GAK: variants seen among roughly 807,000 people sequenced by gnomAD.
The protein encoded by GAK is cyclin-G-associated kinase.
A neutral mutation model predicts 143.9 loss-of-function variants in GAK; 79 were observed. The observed-to-expected ratio is 0.55, with a 90% CI of 0.46 to 0.66. GAK has a LOEUF of 0.66. Among genes scored for constraint, GAK ranks in the 30% least tolerant of loss-of-function variants. The pLI is 0.00. For missense variants in GAK, 1,693 were observed against 1,779.7 expected, an observed-to-expected ratio of 0.95 and a Z score of 0.88; for synonymous variants, 881 against 765.5, an observed-to-expected ratio of 1.15 and a Z score of -2.49.
chr4:894,579 T>A (rs1258654595), intron 7 of GAK: 1 of 152,322 alleles, frequency 6.6e-6, no homozygotes, highest in Non-Finnish European at 1.5e-5. Context: ...TGTGCGGAGC[T>A]GGCGGCGTGC....
chr4:856,624 CCTG>C (rs1414356945), intron 24 of GAK, among the ~76,000 whole-genome samples: 3 of 148,674 alleles, frequency 2.0e-5, no homozygotes, highest in Non-Finnish European at 4.5e-5. Flanking sequence ...GGTGCTCACA[CCTG>C]CTCACCACAG....
Position 912,717 on chromosome 4 carries a change from G to A in GAK, c.267+18C>T. On this transcript the variant is annotated intron_variant, in intron 3 of 27. Coordinates refer to ENST00000314167, the MANE Select transcript of GAK (RefSeq NM_005255.4). ...GCCAAAGCCACCGTGCTGGCTCCTG[G>A]TTCCAGGAAAAGGATACCATGAAGC... The A allele has an allele frequency of 1.2e-6, 2 of 1,611,602 alleles. No homozygotes were observed. Among genetic ancestry groups the A allele is most frequent in the Non-Finnish European group, 8.5e-7 (1 of 1,178,144 alleles).
At chr4:884,494 G>A (rs966268390) in intron 11 of GAK, 6 of 197,480 alleles carry the variant, frequency 3.0e-5, no homozygotes, top group African/African-American at 9.5e-5. Flanking sequence ...CAGGCTCCAC[G>A]CGCTGCCCAG....
At chr4:922,744 A>T (rs1724108230) in intron 1 of GAK, among the ~76,000 whole-genome samples, 1 of 152,202 alleles carries the variant, frequency 6.6e-6, no homozygotes, top group African/African-American at 2.4e-5. Context: ...ACAATCTGGC[A>T]GTTTTCTAAC....
chr4:883,857 C>T (rs535621905), intron 12 of GAK, among the ~76,000 whole-genome samples, 180 bp downstream of exon 12: 15 of 152,374 alleles, frequency 9.8e-5, no homozygotes, highest in South Asian at 6.2e-4. Context: ...TCCACTGCTG[C>T]GCCTGGAGGT....
chr4:912,878 C>A, intron 2 of GAK, 84 bp from the exon 3 acceptor site: 2 of 1,159,456 alleles, frequency 1.7e-6, no homozygotes, highest in African/African-American at 3.0e-5. Flanking sequence ...GACATAAGCA[C>A]GCAACAGAGC....
At chr4:914,416 C>T (rs1193424261) in intron 1 of GAK, among the ~76,000 whole-genome samples, 1 of 107,882 alleles carries the variant, frequency 9.3e-6, no homozygotes, top group African/African-American at 3.8e-5. Context: ...CAGAGCCCCA[C>T]ACACACACAG....
intron 10 of GAK, among the ~76,000 whole-genome samples, chr4:889,914 G>A (rs1717308838): frequency 6.6e-6 from 1 of 152,204 alleles, no homozygotes; most frequent in Non-Finnish European, 1.5e-5. Context: ...CATCACAGGT[G>A]CCCACTCCTC....
At chr4:888,160 C>T (rs537913881) in intron 11 of GAK, 2 of 152,300 alleles carry the variant, frequency 1.3e-5, no homozygotes, top group Admixed American at 6.5e-5. Context: ...TCCTGCATCA[C>T]GGGCACCAGT....
intron 4 of GAK, among the ~76,000 whole-genome samples, chr4:910,385 C>T (rs989758310): frequency 7.2e-6 from 1 of 138,988 alleles, no homozygotes; most frequent in Non-Finnish European, 1.6e-5. Context: ...GCACGGGATG[C>T]CCCCATCCCA....
At position 913,670 on chromosome 4, in the gene GAK, T is replaced by C. The variant is rs1267634616; in HGVS notation, c.146-2A>G. 1.2e-6 allele frequency: 2 copies of C among 1,612,092 alleles called. No homozygotes were observed. The highest frequency in any genetic ancestry group is 1.1e-5 in the South Asian group (1 of 91,042). On this transcript the variant is annotated splice_acceptor_variant, in intron 1 of 27. Coordinates refer to ENST00000314167, the MANE Select transcript of GAK (RefSeq NM_005255.4). LOFTEE classifies it high-confidence loss of function. Reference sequence around the variant, plus strand: ...CTTCATACACAAATGCAAACCCTCCTGAAAATTAAAAAGACTTGTCAGTTC... The same window carrying C: ...CTTCATACACAAATGCAAACCCTCCCGAAAATTAAAAAGACTTGTCAGTTC...
At chr4:870,369 G>A (rs1048298721) in intron 19 of GAK, among the ~76,000 whole-genome samples, 4 of 152,210 alleles carry the variant, frequency 2.6e-5, no homozygotes, top group Non-Finnish European at 5.9e-5. Flanking sequence ...CTCACAGTGA[G>A]AGTGGACGTG....
chr4:867,051 G>A lies in GAK; in HGVS notation c.2777C>T (p.Pro926Leu), dbSNP rs745833929. 34 of 1,523,484 alleles carry A rather than the reference G, an allele frequency of 2.2e-5. No homozygotes were observed. The highest frequency in any genetic ancestry group is 4.2e-5 in the Admixed American group (2 of 48,084). 94.4% of individuals were successfully genotyped at this position (1,523,484 alleles called of 1,614,324 possible). Reference sequence around the variant, plus strand: ...CGGGTCCTCGCTGAGCAGATCCTCCGGGGGCCCCTGGGAGGCGGCCTCAGG... The same window carrying A: ...CGGGTCCTCGCTGAGCAGATCCTCCAGGGGCCCCTGGGAGGCGGCCTCAGG... Reference protein sequence around the residue: ...GPPEAASQGPPEDLLSEDPLL... With the variant: ...GPPEAASQGPLEDLLSEDPLL... The change falls in exon 21 of 28, where the codon CCG becomes CTG. Residue 926 changes from proline (P) to leucine (L), a missense_variant. Pro to Leu is a moderately conservative substitution (Grantham distance 98). Around this residue, in one of 2 missense-constraint regions of GAK, gnomAD observed 822 missense variants for 788.7 expected, o/e 1.04. Coordinates refer to ENST00000314167, the MANE Select transcript of GAK (RefSeq NM_005255.4).
rs547356346 is a variant in GAK, at chr4:870,261, C to G, written c.2248+450G>C. 9.8e-5 allele frequency among the ~76,000 whole-genome samples: 15 copies of G among 152,336 alleles called. No homozygotes were observed. In the South Asian group the frequency reaches 2.5e-3, roughly 25 times the overall value. ...TGAGCAGTGGACGGCCCTGGGCCCA[C>G]CTGCCAGCACTTCCTGGGCTGCCGT... On this transcript the variant is annotated intron_variant, in intron 19 of 27. Coordinates refer to ENST00000314167, the MANE Select transcript of GAK (RefSeq NM_005255.4).
intron 7 of GAK, among the ~76,000 whole-genome samples, chr4:895,373 C>T (rs563697983): frequency 2.0e-5 from 3 of 152,366 alleles, no homozygotes; most frequent in Non-Finnish European, 2.9e-5. Context: ...GACCCCAGGC[C>T]GAGCAAGAGC....
chr4:889,970 C>T (rs1397664046), intron 10 of GAK, among the ~76,000 whole-genome samples: 2 of 152,172 alleles, frequency 1.3e-5, no homozygotes, highest in East Asian at 3.9e-4. Flanking sequence ...AACTGTCTTC[C>T]CCCACCGCCC....
intron 15 of GAK, among the ~76,000 whole-genome samples, chr4:878,838 C>A (rs1360158260): frequency 6.6e-6 from 1 of 152,204 alleles, no homozygotes; most frequent in African/African-American, 2.4e-5. Flanking sequence ...CCATGCCCTG[C>A]AGGAGGCCCT....
chr4:853,952 C>A (rs1244010535), intron 24 of GAK: 1 of 152,198 alleles, frequency 6.6e-6, no homozygotes, highest in African/African-American at 2.4e-5. Flanking sequence ...CCTGTGCCAC[C>A]ACGTCCAGCT....
chr4:877,497 T>A (rs1714192847), intron 16 of GAK, 118 bp downstream of exon 16: 1 of 1,088,992 alleles, frequency 9.2e-7, no homozygotes, highest in East Asian at 2.6e-5. Flanking sequence ...GACGCCACAG[T>A]TCCAAACACG....
Sources: gnomAD v4.1 joint callset for allele counts (sites outside exome capture counted in the v4.1 genomes callset) on GRCh38, gnomAD v4.1.1 for gene constraint, gnomAD v4.1.1 regional missense constraint, MANE v1.5 for transcripts, NCBI Gene and HGNC (gene_info 2026-07-23, HGNC 2026-07-21) for gene names.